LRRC74B: variants seen among roughly 807,000 people sequenced by gnomAD.
LRRC74B encodes the protein leucine rich repeat containing 74B.
In LRRC74B, 30 loss-of-function variants were observed where a neutral mutation model predicts 16.6. The ratio of observed to expected loss-of-function variants is 1.80; its 90% CI spans 1.35 to 2.45. The LOEUF (loss-of-function observed/expected upper bound fraction) is 2.45. LRRC74B is among the 30% of genes most tolerant of loss of function. The probability of loss-of-function intolerance (pLI) is 0.00; values close to 1 mark genes in which losing one functional copy is unlikely to be tolerated. For synonymous variants in LRRC74B, 134 were observed against 86.0 expected, an observed-to-expected ratio of 1.56 and a Z score of -3.09; for missense variants, 326 against 202.4, an observed-to-expected ratio of 1.61 and a Z score of -3.71.
At chr22:21,056,775 G>T in intron 7 of LRRC74B, 1 of 244,310 alleles carries the variant, frequency 4.1e-6, no homozygotes, top group Non-Finnish European at 7.8e-6. Context: ...CCTCCCAGGG[G>T]AGCTGGTGCA....
Position 21,048,854 on chromosome 22 carries a change from C to T in LRRC74B, c.416-97C>T, listed in dbSNP as rs1601807330. On this transcript the variant is annotated intron_variant, in intron 3 of 8. Transcript: ENST00000442047. ...CCAGGACAGTTAACCTGTAAGTCCC[C>T]TTCCTCAGCCTCAGACCTGGAGGTT... The T allele has an allele frequency of 4.4e-5, 29 of 660,452 alleles. No individual in the cohort carries two copies. The East Asian group carries it at 6.8e-4, about 16-fold the overall frequency. The allele number at this position is 660,452 out of a possible 1,614,324, so 40.9% of individuals were successfully genotyped here.
At chr22:21,061,526 A>G (rs1188793112), downstream of LRRC74B, among the ~76,000 whole-genome samples, 1 of 148,426 alleles carries the variant, frequency 6.7e-6, no homozygotes, top group Non-Finnish European at 1.5e-5. Context: ...AGCTGGGTGC[A>G]GTGGCACGTG....
chr22:21,052,715 C>T (rs1293087605), intron 5 of LRRC74B, among the ~76,000 whole-genome samples: 1 of 152,182 alleles, frequency 6.6e-6, no homozygotes, highest in African/African-American at 2.4e-5. Context: ...GATGCCAGCA[C>T]AGCCTCTCAA....
chr22:21,052,109 T>A, intron 4 of LRRC74B, 140 bp from the exon 5 acceptor site: 1 of 640,258 alleles, frequency 1.6e-6, no homozygotes, highest in Non-Finnish European at 2.9e-6. Flanking sequence ...GTGAGTTCCT[T>A]AAGGGCACCG....
chr22:21,051,400 G>A (rs960872262), intron 4 of LRRC74B, among the ~76,000 whole-genome samples: 18 of 151,996 alleles, frequency 1.2e-4, no homozygotes, highest in Non-Finnish European at 2.4e-4. Flanking sequence ...AACTCCTGGC[G>A]CCAAGAAATC....
chr22:21,048,331 CAG>C (rs1929666463), intron 3 of LRRC74B: 1 of 358,300 alleles, frequency 2.8e-6, no homozygotes, highest in African/African-American at 2.1e-5. Flanking sequence ...TCCTTCCACA[CAG>C]AGAGGTGGGA....
chr22:21,048,621 G>A (rs1347614923), intron 3 of LRRC74B: 5 of 357,202 alleles, frequency 1.4e-5, no homozygotes, highest in Admixed American at 1.3e-4. Flanking sequence ...TCCTGGCAAC[G>A]GGGCTGTGAG....
chr22:21,056,597 C>T (rs1968049), intron 7 of LRRC74B: 8,300 of 27,880 alleles, frequency 0.3, 605 homozygotes, highest in East Asian at 0.59. Flanking sequence ...AAGCTTGGAG[C>T]ACACACACAC....
downstream of LRRC74B, chr22:21,063,365 A>G (rs894681909): frequency 1.3e-5 from 2 of 152,188 alleles, no homozygotes; most frequent in African/African-American, 4.8e-5. Context: ...ACTTTGAGCT[A>G]TGTGAGGCAC....
chr22:21,052,771 A>G (rs1371716377), intron 5 of LRRC74B, among the ~76,000 whole-genome samples: 1 of 152,138 alleles, frequency 6.6e-6, no homozygotes. Context: ...GGGCTCGGGA[A>G]TGGGTGGCTC....
In LRRC74B at chr22:21,052,718, CCT is replaced by C. The variant is rs1181594979; in HGVS notation, c.732+364_732+365del. Reference sequence around the variant, plus strand: ...CTTGCACCCTTGGATGCCAGCACAGCCTCTCAAACACCCACCTGTTCCCTTCC... The same window carrying C: ...CTTGCACCCTTGGATGCCAGCACAGCCTCAAACACCCACCTGTTCCCTTCC... On this transcript the variant is annotated intron_variant, in intron 5 of 8. Coordinates refer to ENST00000442047, the Ensembl canonical transcript of LRRC74B. Among the ~76,000 whole-genome samples the C allele has an allele frequency of 1.2e-4, 18 of 152,290 alleles. No homozygotes were observed. In the South Asian group the frequency reaches 3.5e-3, roughly 30 times the overall value.
chr22:21,055,454 C>A (rs1930444888), intron 7 of LRRC74B, among the ~76,000 whole-genome samples: 1 of 152,200 alleles, frequency 6.6e-6, no homozygotes, highest in Non-Finnish European at 1.5e-5. Flanking sequence ...TCTCCCTCAT[C>A]TTCTCCCCTG....
At chr22:21,055,330 C>G (rs2241224) in intron 7 of LRRC74B, among the ~76,000 whole-genome samples, 154 bp downstream of exon 7, 35,600 of 152,042 alleles carry the variant, frequency 0.23, 5,189 homozygotes, top group East Asian at 0.64. Context: ...TGGGGCCTGG[C>G]CCTCCTCTTC....
chr22:21,051,559 A>C (rs1447218433), intron 4 of LRRC74B, among the ~76,000 whole-genome samples: 2 of 150,606 alleles, frequency 1.3e-5, no homozygotes, highest in African/African-American at 4.9e-5. Context: ...CCAGCCTTCC[A>C]TCTGGTCCCC....
exon 1 of LRRC74B, chr22:21,046,090 C>T (rs904848002): frequency 7.0e-6 from 5 of 717,226 alleles, no homozygotes; most frequent in African/African-American, 5.2e-5. Flanking sequence ...GAGCAGGGTC[C>T]CGAGGCCAAT....
downstream of LRRC74B, among the ~76,000 whole-genome samples, chr22:21,060,862 T>C (rs1162031916): frequency 2.0e-5 from 3 of 152,174 alleles, no homozygotes; most frequent in Admixed American, 1.3e-4. Context: ...TATTAAAATG[T>C]AAGGAGGGGT....
intron 4 of LRRC74B, among the ~76,000 whole-genome samples, chr22:21,051,045 A>G (rs1356149121): frequency 6.6e-6 from 1 of 150,774 alleles, no homozygotes; most frequent in African/African-American, 2.4e-5. Flanking sequence ...AGTCTCAGTC[A>G]GGAGGCTGAG....
chr22:21,053,042 T>C lies in LRRC74B; in HGVS notation c.733-318T>C, dbSNP rs531540022. Among the ~76,000 whole-genome samples, 36 of 152,230 alleles carry C rather than the reference T, an allele frequency of 2.4e-4. 2 individuals carry two copies. The South Asian group carries it at 7.5e-3, about 32-fold the overall frequency. ...CTGCCCTCTAGAGCCATTAAGTGGG[T>C]GTGGAGTCCGATCAATGTTTCTGGG... On this transcript the variant is annotated intron_variant, in intron 5 of 8. Coordinates refer to ENST00000442047, the Ensembl canonical transcript of LRRC74B.
intron 4 of LRRC74B, among the ~76,000 whole-genome samples, chr22:21,049,668 C>T (rs1004266609): frequency 4.0e-5 from 6 of 151,536 alleles, no homozygotes; most frequent in African/African-American, 1.2e-4. Flanking sequence ...CCCAGACTGG[C>T]GGACAGCAGT....
Sources: allele counts gnomAD v4.1 joint callset (sites outside exome capture counted in the v4.1 genomes callset), GRCh38; gene constraint gnomAD v4.1.1; transcripts MANE v1.5; gene names NCBI Gene and HGNC (gene_info 2026-07-23, HGNC 2026-07-21).